The following P3H2 variants were observed in gnomAD, a reference collection of about 807,000 sequenced individuals.
P3H2 encodes prolyl 3-hydroxylase 2.
In P3H2, 80 loss-of-function variants were observed where a neutral mutation model predicts 87.0. That is an observed-to-expected ratio of 0.92 (90% CI 0.77 to 1.11). The LOEUF (loss-of-function observed/expected upper bound fraction) is 1.11, where lower values mean the gene tolerates loss of function less well. Ranked by LOEUF, P3H2 falls within the 50% of genes least tolerant of loss-of-function variation. The probability of loss-of-function intolerance (pLI) is 0.00; values close to 1 mark genes in which losing one functional copy is unlikely to be tolerated. For missense variants in P3H2, 1,001 were observed against 923.9 expected, an observed-to-expected ratio of 1.08 and a Z score of -1.08; for synonymous variants, 367 against 359.3, an observed-to-expected ratio of 1.02 and a Z score of -0.24.
chr3:190,119,121 GGAAGAGAGGA>G (rs1299701167), intron 1 of P3H2, among the ~76,000 whole-genome samples: 129 of 114,118 alleles, frequency 1.1e-3, no homozygotes, highest in African/African-American at 3.9e-3. Flanking sequence ...GAAAAGAAAA[GGAAGAGAGGA>G]GAGGAGAGGG....
At chr3:189,967,771 A>G (rs992589924) in intron 13 of P3H2, among the ~76,000 whole-genome samples, 2 of 152,076 alleles carry the variant, frequency 1.3e-5, no homozygotes, top group Admixed American at 6.6e-5. Flanking sequence ...CACATGAAAT[A>G]TTTTTTCTTA....
chr3:190,011,657 G>T (rs530789995), intron 1 of P3H2, among the ~76,000 whole-genome samples: 2 of 152,106 alleles, frequency 1.3e-5, no homozygotes, highest in Admixed American at 1.3e-4. Flanking sequence ...TCTTAATTTC[G>T]TCAAGCAGAT....
At chr3:190,043,675 C>T (rs999846259) in intron 1 of P3H2, among the ~76,000 whole-genome samples, 17 of 152,328 alleles carry the variant, frequency 1.1e-4, no homozygotes, top group African/African-American at 3.4e-4. Context: ...ACATCCCTCA[C>T]CTTCCGTAGT....
intron 1 of P3H2, among the ~76,000 whole-genome samples, chr3:190,046,727 C>T (rs1725819175): frequency 6.6e-6 from 1 of 151,556 alleles, no homozygotes; most frequent in Non-Finnish European, 1.5e-5. Flanking sequence ...GAGAATTAAA[C>T]TAACTAAATG....
intron 13 of P3H2, chr3:189,969,859 C>T (rs1723117445): frequency 1.4e-6 from 2 of 1,379,760 alleles, no homozygotes; most frequent in Non-Finnish European, 2.1e-6. Context: ...TGCTTGAGGC[C>T]ATGTCCGCAC....
chr3:190,014,868 A>G (rs1724701544), intron 1 of P3H2, among the ~76,000 whole-genome samples: 1 of 152,156 alleles, frequency 6.6e-6, no homozygotes, highest in African/African-American at 2.4e-5. Flanking sequence ...GTAAGAGGGA[A>G]TGTGTAAGAC....
chr3:190,075,038 T>G (rs968748462), intron 1 of P3H2, among the ~76,000 whole-genome samples: 1 of 152,218 alleles, frequency 6.6e-6, no homozygotes, highest in Non-Finnish European at 1.5e-5. Flanking sequence ...CTATCATTCA[T>G]CCACTCCACT....
chr3:190,085,248 C>T (rs996894641), intron 1 of P3H2, among the ~76,000 whole-genome samples: 2 of 152,118 alleles, frequency 1.3e-5, no homozygotes, highest in African/African-American at 4.8e-5. Flanking sequence ...ACATTAATGA[C>T]GCAGCCATTG....
At chr3:189,986,925 T>C (rs1560349623) in intron 5 of P3H2, 48 bp from the exon 6 acceptor site, 3 of 1,213,938 alleles carry the variant, frequency 2.5e-6, no homozygotes, top group Non-Finnish European at 3.7e-6. Context: ...AAATAGCAGG[T>C]AAGAGATATG....
At chr3:189,980,708 T>C (rs1480737395) in intron 8 of P3H2, among the ~76,000 whole-genome samples, 3 of 152,146 alleles carry the variant, frequency 2.0e-5, no homozygotes, top group Non-Finnish European at 4.4e-5. Flanking sequence ...AATATACTGG[T>C]TTTTATCCCT....
intron 1 of P3H2, among the ~76,000 whole-genome samples, chr3:190,017,229 A>T (rs892833927): frequency 1.3e-5 from 2 of 152,164 alleles, no homozygotes; most frequent in African/African-American, 4.8e-5. Context: ...CATGATACAT[A>T]CAGCAATGTC....
intron 1 of P3H2, among the ~76,000 whole-genome samples, chr3:190,055,458 C>A (rs1269319750): frequency 1.3e-5 from 2 of 148,994 alleles, no homozygotes. Context: ...TTCATTATAA[C>A]AAGAATCTTT....
intron 1 of P3H2, among the ~76,000 whole-genome samples, chr3:190,054,247 A>G (rs1726080873): frequency 6.6e-6 from 1 of 152,196 alleles, no homozygotes; most frequent in South Asian, 2.1e-4. Flanking sequence ...TCTGCCTTAT[A>G]TAACTATGGT....
chr3:190,120,996 G>C, upstream of P3H2: 1 of 497,302 alleles, frequency 2.0e-6, no homozygotes, highest in Non-Finnish European at 3.4e-6. Context: ...CAGGCTCCCC[G>C]CTGCAGCGGC....
chr3:190,118,345 G>A (rs1017141898), intron 1 of P3H2, among the ~76,000 whole-genome samples: 1 of 151,794 alleles, frequency 6.6e-6, no homozygotes, highest in Admixed American at 6.6e-5. Context: ...CCTTACATCC[G>A]AGACTCCTGG....
At position 189,994,882 on chromosome 3, in the gene P3H2, C is replaced by A. The variant is rs1577260930; in HGVS notation, c.633+408G>T. Reference sequence around the variant, plus strand: ...AATGGGCAAACCACTGGACTGGGAGCTGGAAAATCACAGTATAATCCTGAA... The same window carrying A: ...AATGGGCAAACCACTGGACTGGGAGATGGAAAATCACAGTATAATCCTGAA... On this transcript the variant is annotated intron_variant, in intron 2 of 14. Transcript: ENST00000319332. Among the ~76,000 whole-genome samples the A allele has an allele frequency of 5.9e-5, 9 of 152,050 alleles. No individual in the cohort carries two copies. The East Asian group carries it at 1.7e-3, about 29-fold the overall frequency.
intron 13 of P3H2, chr3:189,969,346 C>T: frequency 1.2e-6 from 1 of 850,904 alleles, no homozygotes; most frequent in Non-Finnish European, 2.0e-6. Context: ...AAAACGAGGT[C>T]CCTCAGTTGT....
At chr3:190,053,368 A>G (rs1305405723) in intron 1 of P3H2, among the ~76,000 whole-genome samples, 1 of 151,360 alleles carries the variant, frequency 6.6e-6, no homozygotes, top group African/African-American at 2.4e-5. Flanking sequence ...TTCTAGACAC[A>G]TGTCTTTTGT....
In P3H2 at chr3:190,090,213, A is replaced by G. The variant is rs139920708; in HGVS notation, c.480+30039T>C. ...CCCCAAATAGATTGGAAATTTCTTT[A>G]GAAGATATCATTCGTTTTTATTTTT... On this transcript the variant is annotated intron_variant, in intron 1 of 14. Transcript: ENST00000319332. Among the ~76,000 whole-genome samples the G allele has an allele frequency of 2.1e-3, 315 of 152,316 alleles. 1 individual carries two copies. The highest frequency in any genetic ancestry group is 7.3e-3 in the African/African-American group (304 of 41,590).
Sources: gnomAD v4.1 joint callset for allele counts (sites outside exome capture counted in the v4.1 genomes callset) on GRCh38, gnomAD v4.1.1 for gene constraint, MANE v1.5 for transcripts, NCBI Gene and HGNC (gene_info 2026-07-23, HGNC 2026-07-21) for gene names.